DDX56: variants seen among roughly 807,000 people sequenced by gnomAD.
DDX56 encodes the protein DEAD-box helicase 56, also known as probable ATP-dependent RNA helicase DDX56.
DDX56 carries 45 observed loss-of-function variants against 61.5 expected under a neutral mutation model. The observed-to-expected ratio is 0.73, with a 90% CI of 0.58 to 0.94. The LOEUF is 0.94. DDX56 is among the 40% of genes least tolerant of loss of function. The pLI, the probability that DDX56 is intolerant of heterozygous loss-of-function variation, is 0.00. For synonymous variants in DDX56, 273 were observed against 268.3 expected (o/e 1.02, Z -0.17); for missense variants, 708 against 690.7 (o/e 1.02, Z -0.28).
Position 44,572,659 on chromosome 7 carries a change from G to T in DDX56, c.469C>A (p.Arg157Ser), listed in dbSNP as rs556884834. 1.4e-5 allele frequency: 22 copies of T among 1,614,224 alleles called. No homozygotes were observed. The South Asian group carries it at 2.4e-4, about 18-fold the overall frequency. Residue 157 changes from arginine (R) to serine (S), a missense_variant, in exon 4 of 14, where the codon CGT becomes AGT. Arg to Ser is a moderately radical substitution (Grantham distance 110). Transcript: ENST00000258772. Reference protein sequence around the residue: ...SHLQQDSLKLRDSLELLVVDE... With the variant: ...SHLQQDSLKLSDSLELLVVDE... ...ACCACCAAAAGCTCCAGGGAGTCAC[G>T]AAGTTTCAGGCTGTCTTGCTGCAAG...
At chr7:44,567,778 A>G in intron 12 of DDX56, 1 of 349,542 alleles carries the variant, frequency 2.9e-6, no homozygotes, top group Non-Finnish European at 5.4e-6. Flanking sequence ...CCTGCCCGTG[A>G]CTCTCTCCCA....
rs1802705387 is a variant in DDX56, at chr7:44,572,616, A to T, written c.512T>A (p.Leu171His). The T allele has an allele frequency of 6.2e-7, 1 of 1,614,144 alleles. No homozygotes were observed. Among genetic ancestry groups the T allele is most frequent in the Non-Finnish European group, 8.5e-7 (1 of 1,179,994 alleles). Reference sequence around the variant, plus strand: ...CTCTTCTTCAAAGCCAAAGGAAAAAAGAAGGTCAGCTTCGTCCACCACCAA... The same window carrying T: ...CTCTTCTTCAAAGCCAAAGGAAAAATGAAGGTCAGCTTCGTCCACCACCAA... ...ELLVVDEADLLFSFGFEEELK... is the reference protein window; with the variant it reads ...ELLVVDEADLHFSFGFEEELK... The change falls in exon 4 of 14, where the codon CTT (leucine) becomes CAT (histidine). Residue 171 changes from leucine to histidine, a missense_variant. Physicochemically the swap from Leu to His is moderately conservative, Grantham distance 99 (BLOSUM62 -3). Transcript: ENST00000258772.
At chr7:44,570,563 T>C (rs1802645129) in intron 7 of DDX56, among the ~76,000 whole-genome samples, 195 bp downstream of exon 7, 1 of 152,246 alleles carries the variant, frequency 6.6e-6, no homozygotes, top group Non-Finnish European at 1.5e-5. Context: ...TCGTGGTGCA[T>C]GTGCAGTGTG....
chr7:44,569,870 TAA>T lies in DDX56; in HGVS notation c.1156_1157del (p.Leu386AsnfsTer15). 6.2e-7 allele frequency: 1 copy of T among 1,611,406 alleles called. No homozygotes were observed. Among genetic ancestry groups the T allele is most frequent in the Non-Finnish European group, 8.5e-7 (1 of 1,178,682 alleles). ...TARANNPGIV[L>X]TFVLPTEQFH... ...ACTGCTCCGTGGGAAGCACAAAGGTTAAGACTATGCCTGGGTTGTTAGCGCGT... is the reference window on the plus strand; with the variant it reads ...ACTGCTCCGTGGGAAGCACAAAGGTTGACTATGCCTGGGTTGTTAGCGCGT... On this transcript the variant is annotated frameshift_variant, in exon 9 of 14. Coordinates refer to ENST00000258772, the MANE Select transcript of DDX56 (RefSeq NM_019082.4). LOFTEE classifies it high-confidence loss of function.
rs773311471 is a variant in DDX56, at chr7:44,570,146, T to C, written c.1011-18A>G. Reference sequence around the variant, plus strand: ...CAGAGGCCCTGCAGAGATAACTCAATGTCAGCCGGACCCTTCCTCTCCTCT... The same window carrying C: ...CAGAGGCCCTGCAGAGATAACTCAACGTCAGCCGGACCCTTCCTCTCCTCT... On this transcript the variant is annotated intron_variant, in intron 7 of 13. Transcript: ENST00000258772. 7.4e-6 allele frequency: 12 copies of C among 1,612,964 alleles called. No individual in the cohort carries two copies. Among genetic ancestry groups the C allele is most frequent in the Non-Finnish European group, 1.0e-5 (12 of 1,179,834 alleles).
chr7:44,569,522 A>G (rs1802621071), intron 9 of DDX56, among the ~76,000 whole-genome samples: 1 of 152,166 alleles, frequency 6.6e-6, no homozygotes, highest in Non-Finnish European at 1.5e-5. Context: ...AGAGCAGTCC[A>G]GGACCACCCA....
Position 44,568,226 on chromosome 7 carries a change from G to A in DDX56, c.1384-3C>T. On this transcript the variant is annotated splice_polypyrimidine_tract_variant and splice_region_variant and intron_variant, in intron 11 of 13. Coordinates refer to ENST00000258772, the MANE Select transcript of DDX56 (RefSeq NM_019082.4). ...CTAGGGTTGTCTTCAAAGTATGTCT[G>A]CCGGGGGAAGAGGGAGAGCCACAGA... The A allele has an allele frequency of 6.2e-7, 1 of 1,603,188 alleles. No individual in the cohort carries two copies. The highest frequency in any genetic ancestry group is 8.5e-7 in the Non-Finnish European group (1 of 1,172,166).
Position 44,571,709 on chromosome 7 carries a change from G to T in DDX56, c.673C>A (p.Leu225Met). ...PVTLKLQESQ[L>M]PGPDQLQQFQ... ...TGCTGTAACTGGTCTGGCCCAGGCA[G>T]CTGGGACTCCTGTAACTTAAGGGTA... The change falls in exon 6 of 14, where the codon CTG becomes ATG. Residue 225 changes from leucine (L) to methionine (M), a missense_variant. Coordinates refer to ENST00000258772, the MANE Select transcript of DDX56 (RefSeq NM_019082.4). 6.2e-7 allele frequency: 1 copy of T among 1,614,066 alleles called. No individual in the cohort carries two copies. The highest frequency in any genetic ancestry group is 8.5e-7 in the Non-Finnish European group (1 of 1,180,044).
At position 44,571,825 on chromosome 7, in the gene DDX56, A is replaced by C. The variant is rs1182543729; in HGVS notation, c.646-89T>G. 4.6e-6 allele frequency: 7 copies of C among 1,531,574 alleles called. No individual in the cohort carries two copies. The African/African-American group carries it at 8.2e-5, about 18-fold the overall frequency. 94.9% of individuals were successfully genotyped at this position (1,531,574 alleles called of 1,614,324 possible). ...TCACCAACCAAAGCATCAACATTTT[A>C]GTGCAGGGCAGAGATGCATTTAAGG... On this transcript the variant is annotated intron_variant, in intron 5 of 13. Transcript: ENST00000258772.
At chr7:44,566,226 G>A in intron 13 of DDX56, 147 bp from the exon 14 acceptor site, 1 of 681,022 alleles carries the variant, frequency 1.5e-6, no homozygotes, top group East Asian at 2.7e-5. Context: ...AGGAAATGGG[G>A]AAAGGCAGCT....
At chr7:44,570,152 C>T (rs371110335) in intron 7 of DDX56, 24 bp from the exon 8 acceptor site, 150 of 1,611,884 alleles carry the variant, frequency 9.3e-5, no homozygotes, top group Non-Finnish European at 1.1e-4. Flanking sequence ...TCAATGTCAG[C>T]CGGACCCTTC....
rs773826192 is a variant in DDX56 at position 44,571,479 on chromosome 7, G to A, written c.890+13C>T. The stretch of plus-strand genomic sequence containing the variant: ...TTCAACTTATTTCAACCAAGATGTT[G>A]GCTGTGGCAGACCTGGAGCGCAGTG... On this transcript the variant is annotated intron_variant, in intron 6 of 13. Coordinates refer to ENST00000258772, the MANE Select transcript of DDX56 (RefSeq NM_019082.4). 26 of 1,612,422 alleles carry A rather than the reference G, an allele frequency of 1.6e-5. No homozygotes were observed. Among genetic ancestry groups the A allele is most frequent in the Non-Finnish European group, 2.1e-5 (25 of 1,178,686 alleles).
intron 3 of DDX56, 31 bp from the exon 4 acceptor site, chr7:44,572,775 A>G (rs1421206190): frequency 6.2e-7 from 1 of 1,611,556 alleles, no homozygotes; most frequent in Non-Finnish European, 8.5e-7. Flanking sequence ...AGTATCAGGC[A>G]GAATGTAGCA....
At position 44,568,875 on chromosome 7, in the gene DDX56, AT is replaced by A. The variant is rs1585170290; in HGVS notation, c.1383+27del. The stretch of plus-strand genomic sequence containing the variant: ...CAAAAAGGGCAGCCGTCTAAGATCT[AT>A]CCCCTTCTCACCTCCCATCCACTCA... On this transcript the variant is annotated intron_variant, in intron 11 of 13. Transcript: ENST00000258772. 2.8e-6 allele frequency: 4 copies of A among 1,412,700 alleles called. No individual in the cohort carries two copies. The East Asian group carries it at 9.1e-5, about 32-fold the overall frequency. 87.5% of individuals were successfully genotyped at this position (1,412,700 alleles called of 1,614,324 possible). A position where few individuals can be genotyped will look rare whatever the true frequency, so the allele number is the denominator to read the frequency against.
intron 12 of DDX56, among the ~76,000 whole-genome samples, chr7:44,567,062 G>A (rs984540049): frequency 2.0e-5 from 3 of 152,064 alleles, no homozygotes; most frequent in East Asian, 1.9e-4. Flanking sequence ...GGTTCCTGAG[G>A]CCAAAGTTCT....
chr7:44,569,042 C>T, intron 10 of DDX56, 50 bp from the exon 11 acceptor site: 2 of 1,611,254 alleles, frequency 1.2e-6, no homozygotes, highest in Non-Finnish European at 1.7e-6. Context: ...CCAAATCCTC[C>T]CTTCACACCT....
intron 6 of DDX56, 123 bp from the exon 7 acceptor site, chr7:44,571,000 TAATC>T: frequency 8.0e-7 from 1 of 1,245,768 alleles, no homozygotes; most frequent in Non-Finnish European, 1.1e-6. Context: ...TTTCCCTACT[TAATC>T]ATTGTGCCTC....
Position 44,570,801 on chromosome 7 carries a change from G to A in DDX56, c.967C>T (p.Pro323Ser). The stretch of plus-strand genomic sequence containing the variant: ...CGGCCCCGACGCTTGCCCTTGACTG[G>A]GGCCCCCAGGACTTCAGCATCAGTT... ...IATDAEVLGAPVKGKRRGRGP... is the reference protein window; with the variant it reads ...IATDAEVLGASVKGKRRGRGP... The change falls in exon 7 of 14, where the codon CCA (proline) becomes TCA (serine). Residue 323 changes from proline to serine, a missense_variant. By Grantham distance (74) the Pro-to-Ser change is moderately conservative. Coordinates refer to ENST00000258772, the MANE Select transcript of DDX56 (RefSeq NM_019082.4). 1 of 1,613,818 alleles carries A rather than the reference G, an allele frequency of 6.2e-7. No homozygotes were observed. The highest frequency in any genetic ancestry group is 8.5e-7 in the Non-Finnish European group (1 of 1,179,734).
In DDX56 at chr7:44,565,939, T is replaced by C. The variant is rs1312371694; in HGVS notation, c.*63A>G. Reference sequence around the variant, plus strand: ...GTGCAGTAAGCACCAGAGCCTCGCCTGTCCACGAAGGGTGTAAGCCTGTGC... The same window carrying C: ...GTGCAGTAAGCACCAGAGCCTCGCCCGTCCACGAAGGGTGTAAGCCTGTGC... On this transcript the variant is annotated 3_prime_UTR_variant, in exon 14 of 14. Transcript: ENST00000258772. 5 of 1,314,296 alleles carry C rather than the reference T, an allele frequency of 3.8e-6. No individual in the cohort carries two copies. Among genetic ancestry groups the C allele is most frequent in the Non-Finnish European group, 5.4e-6 (5 of 918,480 alleles). The allele number at this position is 1,314,296 out of a possible 1,614,324, so 81.4% of individuals were successfully genotyped here.
Sources: gnomAD v4.1 joint callset for allele counts (sites outside exome capture counted in the v4.1 genomes callset) on GRCh38, gnomAD v4.1.1 for gene constraint, MANE v1.5 for transcripts, NCBI Gene and HGNC (gene_info 2026-07-23, HGNC 2026-07-21) for gene names.